Variants in CERT1 observed in about 807,000 individuals in gnomAD.
CERT1 encodes the protein ceramide transporter 1.
A neutral mutation model predicts 87.9 loss-of-function variants in CERT1; 31 were observed. The observed-to-expected ratio is 0.35, with a 90% CI of 0.27 to 0.48. The LOEUF (loss-of-function observed/expected upper bound fraction) is 0.48, where lower values mean the gene tolerates loss of function less well. Among genes scored for constraint, CERT1 ranks in the 20% least tolerant of loss-of-function variants. The probability of loss-of-function intolerance (pLI) is 0.99; values close to 1 mark genes in which losing one functional copy is unlikely to be tolerated. For synonymous variants in CERT1, 289 were observed against 250.9 expected (o/e 1.15, Z -1.44); for missense variants, 487 against 758.0 (o/e 0.64, Z 4.20).
At chr5:75,466,810 G>C (rs912484727) in intron 2 of CERT1, among the ~76,000 whole-genome samples, 1 of 152,188 alleles carries the variant, frequency 6.6e-6, no homozygotes, top group African/African-American at 2.4e-5. Context: ...CTAAGAATTA[G>C]AAGCTGGTCC....
intron 17 of CERT1, chr5:75,372,199 ACTGT>A (rs1405550656): frequency 1.3e-5 from 2 of 152,194 alleles, no homozygotes; most frequent in Non-Finnish European, 1.5e-5. Context: ...GAAAGAGTTA[ACTGT>A]CTGTGTTCAT....
At chr5:75,433,049 T>C (rs1381725647) in intron 3 of CERT1, among the ~76,000 whole-genome samples, 1 of 152,212 alleles carries the variant, frequency 6.6e-6, no homozygotes, top group Non-Finnish European at 1.5e-5. Context: ...CCTATTCCAC[T>C]GGTCATGTGT....
chr5:75,404,314 A>C (rs960419698), intron 8 of CERT1, among the ~76,000 whole-genome samples: 11 of 147,586 alleles, frequency 7.5e-5, no homozygotes, highest in Admixed American at 4.0e-4. Context: ...AAAAAAAAAA[A>C]CAACTTTCTA....
intron 3 of CERT1, among the ~76,000 whole-genome samples, chr5:75,451,567 C>CTTTT (rs1161142739): frequency 6.6e-6 from 1 of 152,166 alleles, no homozygotes; most frequent in Non-Finnish European, 1.5e-5. Flanking sequence ...CATTCTTAAA[C>CTTTT]ACTTCCCAGT....
At chr5:75,467,429 C>T (rs767768236) in intron 2 of CERT1, among the ~76,000 whole-genome samples, 2 of 151,962 alleles carry the variant, frequency 1.3e-5, no homozygotes, top group Non-Finnish European at 2.9e-5. Flanking sequence ...ATAGCTTGAG[C>T]TCAGGGTTCA....
Position 75,511,140 on chromosome 5 carries a change from G to A in CERT1, c.68C>T (p.Pro23Leu), listed in dbSNP as rs758233272. ...EEDPETESGP[P>L]VERCGVLSKW... Reference sequence around the variant, plus strand: ...ACTGAGGACCCCGCAGCGCTCCACAGGCGGCCCAGACTCCGTCTCTGGATC... The same window carrying A: ...ACTGAGGACCCCGCAGCGCTCCACAAGCGGCCCAGACTCCGTCTCTGGATC... Residue 23 changes from proline to leucine, a missense_variant, in exon 1 of 17, where the codon CCT (proline) becomes CTT (leucine). Around this residue, in one of 8 missense-constraint regions of CERT1, gnomAD observed 173 missense variants for 302.2 expected, o/e 0.57. Coordinates refer to ENST00000643780, the MANE Select transcript of CERT1 (RefSeq NM_001379029.1). 79 of 1,605,810 alleles carry A rather than the reference G, an allele frequency of 4.9e-5. No individual in the cohort carries two copies. Among genetic ancestry groups the A allele is most frequent in the Non-Finnish European group, 6.5e-5 (76 of 1,176,138 alleles).
At chr5:75,502,422 T>C (rs913177043) in intron 2 of CERT1, among the ~76,000 whole-genome samples, 2 of 152,120 alleles carry the variant, frequency 1.3e-5, no homozygotes, top group Admixed American at 1.3e-4. Flanking sequence ...TACATATTTG[T>C]TTCAATAATG....
chr5:75,495,231 A>C (rs1767002465), intron 2 of CERT1, among the ~76,000 whole-genome samples: 1 of 152,252 alleles, frequency 6.6e-6, no homozygotes, highest in Admixed American at 6.5e-5. Flanking sequence ...AGAATAGCTC[A>C]GCTTTCTTTA....
intron 11 of CERT1, among the ~76,000 whole-genome samples, 179 bp downstream of exon 11, chr5:75,399,131 T>C (rs572799268): frequency 6.6e-6 from 1 of 152,194 alleles, no homozygotes; most frequent in African/African-American, 2.4e-5. Context: ...AAAGGACACA[T>C]GCAAACCTGA....
chr5:75,494,476 T>C (rs923983730), intron 2 of CERT1, among the ~76,000 whole-genome samples: 1 of 151,970 alleles, frequency 6.6e-6, no homozygotes, highest in Non-Finnish European at 1.5e-5. Flanking sequence ...TTGATTTCAA[T>C]TGTATCTGGT....
intron 11 of CERT1, among the ~76,000 whole-genome samples, chr5:75,393,102 T>C (rs1025751237): frequency 6.8e-6 from 1 of 146,792 alleles, no homozygotes; most frequent in Non-Finnish European, 1.5e-5. Flanking sequence ...AAATTTGACA[T>C]TCTAGGAAAT....
At chr5:75,442,285 A>C (rs773629889) in intron 3 of CERT1, among the ~76,000 whole-genome samples, 4 of 152,200 alleles carry the variant, frequency 2.6e-5, no homozygotes, top group Non-Finnish European at 4.4e-5. Context: ...CAGGTCTAGT[A>C]ATCTCAGCTC....
intron 2 of CERT1, among the ~76,000 whole-genome samples, chr5:75,473,541 GAGT>G (rs1440140910): frequency 6.6e-6 from 1 of 152,192 alleles, no homozygotes; most frequent in Non-Finnish European, 1.5e-5. Flanking sequence ...TGGAAATAGA[GAGT>G]AGAATGGTAG....
intron 17 of CERT1, chr5:75,369,678 G>C (rs923398062): frequency 6.6e-6 from 1 of 152,220 alleles, no homozygotes; most frequent in Non-Finnish European, 1.5e-5. Context: ...ACACGGCGGA[G>C]ATACCCTCAC....
chr5:75,506,296 C>T (rs2112475606), intron 1 of CERT1, among the ~76,000 whole-genome samples, 180 bp from the exon 2 acceptor site: 1 of 152,206 alleles, frequency 6.6e-6, no homozygotes, highest in East Asian at 1.9e-4. Flanking sequence ...TTCTAGATTG[C>T]ATAATGATTT....
At chr5:75,504,735 C>T (rs1442017625) in intron 2 of CERT1, among the ~76,000 whole-genome samples, 5 of 148,906 alleles carry the variant, frequency 3.4e-5, no homozygotes, top group East Asian at 2.0e-4. Flanking sequence ...ATTTAACTGT[C>T]TGGCCTTAGC....
intron 2 of CERT1, among the ~76,000 whole-genome samples, chr5:75,489,457 G>C (rs910018284): frequency 2.0e-5 from 3 of 152,134 alleles, no homozygotes; most frequent in Admixed American, 6.5e-5. Flanking sequence ...AGAGTGAACA[G>C]GCAACCTACA....
intron 3 of CERT1, among the ~76,000 whole-genome samples, chr5:75,442,138 C>T (rs1764348681): frequency 6.6e-6 from 1 of 152,186 alleles, no homozygotes; most frequent in African/African-American, 2.4e-5. Flanking sequence ...CTCTGTCACT[C>T]AGGCTGGAGA....
At chr5:75,433,178 C>T (rs964013198) in intron 3 of CERT1, among the ~76,000 whole-genome samples, 6 of 151,992 alleles carry the variant, frequency 3.9e-5, no homozygotes, top group African/African-American at 1.5e-4. Flanking sequence ...TATTTGGGAC[C>T]TTTATTGGTA....
Sources: allele counts gnomAD v4.1 joint callset (sites outside exome capture counted in the v4.1 genomes callset), GRCh38; gene constraint gnomAD v4.1.1; regional missense constraint gnomAD v4.1.1; transcripts MANE v1.5; gene names NCBI Gene and HGNC (gene_info 2026-07-23, HGNC 2026-07-21).